EGF: variants seen among roughly 807,000 people sequenced by gnomAD.
EGF encodes pro-epidermal growth factor.
A neutral mutation model predicts 143.8 loss-of-function variants in EGF; 95 were observed. The ratio of observed to expected loss-of-function variants is 0.66; its 90% CI spans 0.56 to 0.78. The LOEUF is 0.78. Among genes scored for constraint, EGF ranks in the 30% least tolerant of loss-of-function variants. The pLI is 0.00. For missense variants in EGF, 1,320 were observed against 1,470.9 expected, an observed-to-expected ratio of 0.90 and a Z score of 1.68; for synonymous variants, 510 against 510.5, an observed-to-expected ratio of 1.00 and a Z score of 0.01.
intron 18 of EGF, chr4:109,992,438 A>C (rs1015391310): frequency 2.6e-5 from 4 of 152,202 alleles, no homozygotes; most frequent in African/African-American, 9.7e-5. Context: ...TTTTAAAGTC[A>C]GGAAACAACA....
At chr4:109,962,031 C>T (rs1030152690) in intron 8 of EGF, 46 bp downstream of exon 8, 23 of 1,610,398 alleles carry the variant, frequency 1.4e-5, no homozygotes, top group Non-Finnish European at 1.4e-5. Flanking sequence ...TGAAAACATA[C>T]ATTTGCTCAG....
intron 10 of EGF, among the ~76,000 whole-genome samples, chr4:109,965,808 A>G (rs1476484501): frequency 3.3e-5 from 5 of 152,126 alleles, no homozygotes; most frequent in Non-Finnish European, 7.4e-5. Flanking sequence ...ATTCTTATGC[A>G]CATTAGAGTT....
At chr4:109,993,554 A>G (rs868487888) in intron 19 of EGF, among the ~76,000 whole-genome samples, 185 bp downstream of exon 19, 26 of 152,150 alleles carry the variant, frequency 1.7e-4, no homozygotes, top group Admixed American at 1.4e-3. Flanking sequence ...TCTTAATTTA[A>G]TAGCATCTGG....
intron 20 of EGF, among the ~76,000 whole-genome samples, chr4:109,995,474 G>A (rs888527424): frequency 1.3e-5 from 2 of 152,116 alleles, no homozygotes; most frequent in African/African-American, 4.8e-5. Context: ...TTTCACAGTG[G>A]GTAACGTGTC....
At chr4:109,928,064 G>C (rs1259503573) in intron 1 of EGF, among the ~76,000 whole-genome samples, 2 of 152,064 alleles carry the variant, frequency 1.3e-5, no homozygotes, top group African/African-American at 4.8e-5. Context: ...AAGTTATAAT[G>C]AGCTGTAGTA....
intron 8 of EGF, among the ~76,000 whole-genome samples, chr4:109,962,393 C>T (rs1745846877): frequency 6.6e-6 from 1 of 152,208 alleles, no homozygotes; most frequent in Non-Finnish European, 1.5e-5. Flanking sequence ...ATAAACACCT[C>T]TCTACTTTTA....
chr4:110,012,572 G>T lies in EGF; in HGVS notation c.*1117G>T, dbSNP rs889454582. On this transcript the variant is annotated 3_prime_UTR_variant, in exon 24 of 24. Transcript: ENST00000265171. Reference sequence around the variant, plus strand: ...TATTTTTATTTTTTGTAGACATGGGGATCACACAATGTTGCCCAGGCTGGT... The same window carrying T: ...TATTTTTATTTTTTGTAGACATGGGTATCACACAATGTTGCCCAGGCTGGT... Among the ~76,000 whole-genome samples the T allele has an allele frequency of 6.6e-6, 1 of 151,978 alleles. No homozygotes were observed. Among genetic ancestry groups the T allele is most frequent in the South Asian group, 2.1e-4 (1 of 4,816 alleles).
chr4:109,914,037 G>T (rs1736157326), intron 1 of EGF, among the ~76,000 whole-genome samples: 1 of 152,104 alleles, frequency 6.6e-6, no homozygotes, highest in South Asian at 2.1e-4. Flanking sequence ...TTAGTAACAG[G>T]TGCATTGCAA....
chr4:109,934,116 T>C (rs1740321790), intron 1 of EGF, among the ~76,000 whole-genome samples: 1 of 152,258 alleles, frequency 6.6e-6, no homozygotes, highest in South Asian at 2.1e-4. Context: ...ATCGCCATTC[T>C]AACTGGCGTA....
rs983186025 is a variant in EGF, at chr4:109,982,307, C to G, written c.2372-1115C>G. 1.3e-4 allele frequency among the ~76,000 whole-genome samples: 19 copies of G among 151,140 alleles called. No homozygotes were observed. The East Asian group carries it at 3.7e-3, about 29-fold the overall frequency. On this transcript the variant is annotated intron_variant, in intron 15 of 23. Coordinates refer to ENST00000265171, the MANE Select transcript of EGF (RefSeq NM_001963.6). ...TATAGGTGTAAGCTACCCTGCCCAG[C>G]CAATTTTTTTTTCTTTTTCTTTTTC...
At chr4:109,953,577 T>C (rs1204428759) in intron 5 of EGF, among the ~76,000 whole-genome samples, 1 of 152,242 alleles carries the variant, frequency 6.6e-6, no homozygotes, top group East Asian at 1.9e-4. Flanking sequence ...CACTTTTCTT[T>C]AATCATCTCT....
intron 15 of EGF, among the ~76,000 whole-genome samples, chr4:109,982,248 G>C (rs1399955319): frequency 6.6e-6 from 1 of 151,716 alleles, no homozygotes; most frequent in Non-Finnish European, 1.5e-5. Context: ...GCCTCAAGTG[G>C]TCTTCCCACC....
At chr4:109,980,677 G>A (rs1749203956) in intron 14 of EGF, 149 bp from the exon 15 acceptor site, 2 of 871,582 alleles carry the variant, frequency 2.3e-6, no homozygotes, top group South Asian at 2.9e-5. Context: ...GAACTCTTCT[G>A]AAATAGCTAT....
chr4:109,980,024 G>T lies in EGF; in HGVS notation c.2106G>T (p.Trp702Cys). 1 of 1,614,008 alleles carries T rather than the reference G, an allele frequency of 6.2e-7. No homozygotes were observed. Among genetic ancestry groups the T allele is most frequent in the Middle Eastern group, 1.7e-4 (1 of 6,060 alleles). ...AGGATTATGTGTGGTTCTCAGATTGGGCTATGCCATCAGTAATGAGAGTAA... is the reference window on the plus strand; with the variant it reads ...AGGATTATGTGTGGTTCTCAGATTGTGCTATGCCATCAGTAATGAGAGTAA... ...VFEDYVWFSD[W>C]AMPSVMRVNK... Residue 702 changes from tryptophan (W) to cysteine (C), a missense_variant, in exon 14 of 24, where the codon TGG becomes TGT. Around this residue, in one of 5 missense-constraint regions of EGF, gnomAD observed 1,186 missense variants for 1,313.7 expected, o/e 0.90. Coordinates refer to ENST00000265171, the MANE Select transcript of EGF (RefSeq NM_001963.6).
At chr4:109,978,989 T>G (rs774946654) in intron 13 of EGF, among the ~76,000 whole-genome samples, 1 of 152,158 alleles carries the variant, frequency 6.6e-6, no homozygotes, top group Non-Finnish European at 1.5e-5. Context: ...TAGCCTTGAT[T>G]AAAACATCCA....
chr4:109,990,867 GC>G (rs1750833793), intron 18 of EGF, among the ~76,000 whole-genome samples: 1 of 152,162 alleles, frequency 6.6e-6, no homozygotes, highest in Admixed American at 6.5e-5. Context: ...GGACACCGAT[GC>G]TATTGGATTA....
At chr4:109,984,713 A>G (rs1336187810) in intron 16 of EGF, among the ~76,000 whole-genome samples, 1 of 152,214 alleles carries the variant, frequency 6.6e-6, no homozygotes, top group East Asian at 1.9e-4. Context: ...CTCTAATTTG[A>G]TCCTCATTAC....
chr4:110,007,535 C>T (rs929203582), intron 22 of EGF, among the ~76,000 whole-genome samples: 2 of 152,148 alleles, frequency 1.3e-5, no homozygotes, highest in Admixed American at 6.5e-5. Flanking sequence ...TGCAAGTGCC[C>T]AATCAATTTT....
chr4:109,983,366 A>G (rs967638721), intron 15 of EGF, 56 bp from the exon 16 acceptor site: 11 of 1,587,346 alleles, frequency 6.9e-6, no homozygotes, highest in Non-Finnish European at 8.6e-6. Flanking sequence ...ATGAAATCAA[A>G]CTTTTTTTTT....
Sources: allele counts gnomAD v4.1 joint callset (sites outside exome capture counted in the v4.1 genomes callset), GRCh38; gene constraint gnomAD v4.1.1; regional missense constraint gnomAD v4.1.1; transcripts MANE v1.5; gene names NCBI Gene and HGNC (gene_info 2026-07-23, HGNC 2026-07-21).